CDH13: variants seen among roughly 807,000 people sequenced by gnomAD.
CDH13 encodes cadherin 13.
Under a neutral mutation model 63.8 loss-of-function variants are expected in CDH13, and 24 were observed. The observed-to-expected ratio is 0.38, with a 90% confidence interval of 0.27 to 0.53. The LOEUF (loss-of-function observed/expected upper bound fraction) is 0.53. CDH13 is among the 20% of genes least tolerant of loss of function. CDH13 has a pLI of 0.85. For missense variants in CDH13, 1,049 were observed against 903.1 expected (o/e 1.16, Z -2.07); for synonymous variants, 503 against 355.3 (o/e 1.42, Z -4.67).
rs374289251 is a variant in CDH13, at chr16:82,721,982, C to G, written c.45+94845C>G. Among the ~76,000 whole-genome samples the G allele has an allele frequency of 2.6e-5, 4 of 152,220 alleles. No homozygotes were observed. The East Asian group carries it at 5.8e-4, about 22-fold the overall frequency. The stretch of plus-strand genomic sequence containing the variant: ...ACATGCTTGAGTTCTGTGTCCCTAC[C>G]CTCTCTCACTGACCCATAGTCGGAC... On this transcript the variant is annotated intron_variant, in intron 1 of 13. Transcript: ENST00000567109.
At position 83,666,824 on chromosome 16, in the gene CDH13, CACACACACACAT is replaced by C. The variant is rs1014217020; in HGVS notation, c.1102-3954_1102-3943del. Among the ~76,000 whole-genome samples, 12 of 85,494 alleles carry C rather than the reference CACACACACACAT, an allele frequency of 1.4e-4. No homozygotes were observed. In the East Asian group the frequency reaches 4.2e-3, roughly 30 times the overall value. 56.1% of individuals were successfully genotyped at this position (85,494 alleles called of 152,430 possible). A position where few individuals can be genotyped will look rare whatever the true frequency, so the allele number is the denominator to read the frequency against. On this transcript the variant is annotated intron_variant, in intron 8 of 13. Coordinates refer to ENST00000567109, the MANE Select transcript of CDH13 (RefSeq NM_001257.5). The stretch of plus-strand genomic sequence containing the variant: ...GATCAGATACCCACCTCCACACATA[CACACACACACAT>C]ACACACACACACACAGACTCCCCAA...
At position 83,661,779 on chromosome 16, in the gene CDH13, G is replaced by T. The variant is rs146672157; in HGVS notation, c.1102-9011G>T. On this transcript the variant is annotated intron_variant, in intron 8 of 13. Coordinates refer to ENST00000567109, the MANE Select transcript of CDH13 (RefSeq NM_001257.5). ...AAAAGCCATGGACTCAGCACCTTCTGTGTATCTGCAGCCAACACATGGAAA... is the reference window on the plus strand; with the variant it reads ...AAAAGCCATGGACTCAGCACCTTCTTTGTATCTGCAGCCAACACATGGAAA... Among the ~76,000 whole-genome samples, 110 of 152,330 alleles carry T rather than the reference G, an allele frequency of 7.2e-4. 1 individual carries two copies. Among genetic ancestry groups the T allele is most frequent in the Middle Eastern group, 3.4e-3 (1 of 294 alleles).
intron 2 of CDH13, among the ~76,000 whole-genome samples, chr16:82,931,513 CT>C (rs11442675): frequency 0.018 from 2,654 of 144,246 alleles, 40 homozygotes; most frequent in East Asian, 0.035. Context: ...AGGTCCCCCC[CT>C]TTTTTTTTTT....
Position 83,379,004 on chromosome 16 carries a change from TATACACACAC to T in CDH13, c.781+34000_781+34009del, listed in dbSNP as rs893782556. On this transcript the variant is annotated intron_variant, in intron 6 of 13. Coordinates refer to ENST00000567109, the MANE Select transcript of CDH13 (RefSeq NM_001257.5). ...ATACACATGCATCTATATATATATA[TATACACACAC>T]ACACACACACACGTGTGTGTATAAC... Among the ~76,000 whole-genome samples, 64 of 137,420 alleles carry T rather than the reference TATACACACAC, an allele frequency of 4.7e-4. 2 individuals are homozygous for T. The highest frequency in any genetic ancestry group is 1.6e-3 in the African/African-American group (63 of 39,428). The allele number at this position is 137,420 out of a possible 152,430, so 90.2% of individuals were successfully genotyped here. A position where few individuals can be genotyped will look rare whatever the true frequency, so the allele number is the denominator to read the frequency against.
chr16:82,949,728 G>A lies in CDH13; in HGVS notation c.158-82282G>A, dbSNP rs149321751. The stretch of plus-strand genomic sequence containing the variant: ...TTCTCAACACATTCTGTCTGGAAAA[G>A]AATGTTCTCTAGTTACCACCTCTTT... On this transcript the variant is annotated intron_variant, in intron 2 of 13. Transcript: ENST00000567109. Among the ~76,000 whole-genome samples the A allele has an allele frequency of 5.3e-3, 810 of 152,200 alleles. 8 individuals carry two copies. Among genetic ancestry groups the A allele is most frequent in the African/African-American group, 0.019 (780 of 41,530 alleles).
chr16:83,497,789 A>G (rs1249449600), intron 7 of CDH13, among the ~76,000 whole-genome samples: 4 of 152,336 alleles, frequency 2.6e-5, no homozygotes, highest in Non-Finnish European at 4.4e-5. Context: ...ATTGGCCACA[A>G]TGCTCAGATA....
intron 6 of CDH13, among the ~76,000 whole-genome samples, chr16:83,345,866 A>G (rs573184212): frequency 1.6e-4 from 24 of 152,328 alleles, no homozygotes; most frequent in South Asian, 8.3e-4. Flanking sequence ...CCAAATAGGT[A>G]AAATAGTGAT....
At chr16:83,214,138 C>G (rs1406263587) in intron 4 of CDH13, among the ~76,000 whole-genome samples, 1 of 152,094 alleles carries the variant, frequency 6.6e-6, no homozygotes, top group Non-Finnish European at 1.5e-5. Flanking sequence ...TCGCTCTTCA[C>G]AGTAAATACT....
At chr16:83,238,689 A>G (rs1424178) in intron 5 of CDH13, among the ~76,000 whole-genome samples, 150,890 of 152,340 alleles carry the variant, frequency 0.99, 74,749 homozygotes, top group Middle Eastern at 1. Flanking sequence ...TCAGGCACCT[A>G]AAGTCAAATC....
intron 5 of CDH13, among the ~76,000 whole-genome samples, chr16:83,219,716 T>C (rs1271605278): frequency 1.3e-5 from 2 of 152,226 alleles, no homozygotes; most frequent in African/African-American, 4.8e-5. Flanking sequence ...ATAGTCTATG[T>C]CATAGCATAT....
intron 4 of CDH13, among the ~76,000 whole-genome samples, chr16:83,217,010 A>G (rs1014782555): frequency 4.6e-5 from 7 of 152,008 alleles, no homozygotes; most frequent in Admixed American, 3.9e-4. Flanking sequence ...GCAGATAAAT[A>G]TTTTTTTGAA....
intron 5 of CDH13, among the ~76,000 whole-genome samples, chr16:83,257,061 A>G (rs944839230): frequency 5.9e-5 from 9 of 152,042 alleles, no homozygotes; most frequent in Non-Finnish European, 8.8e-5. Context: ...ATGATAAGTA[A>G]TGACTGATTT....
At chr16:83,299,971 T>G (rs982568910) in intron 5 of CDH13, among the ~76,000 whole-genome samples, 1 of 152,296 alleles carries the variant, frequency 6.6e-6, no homozygotes, top group East Asian at 1.9e-4. Flanking sequence ...CTCACTTGAT[T>G]GTTAACAGAA....
At position 83,015,699 on chromosome 16, in the gene CDH13, A is replaced by G. The variant is rs1487209569; in HGVS notation, c.158-16311A>G. The stretch of plus-strand genomic sequence containing the variant: ...TATGTATATATATATATATATATAT[A>G]TATATATATATATATATATATATAA... On this transcript the variant is annotated intron_variant, in intron 2 of 13. Transcript: ENST00000567109. Among the ~76,000 whole-genome samples the G allele has an allele frequency of 1.6e-4, 19 of 115,214 alleles. 1 individual carries two copies. Among genetic ancestry groups the G allele is most frequent in the South Asian group, 2.9e-4 (1 of 3,418 alleles). The allele number at this position is 115,214 out of a possible 152,430, so 75.6% of individuals were successfully genotyped here. A position where few individuals can be genotyped will look rare whatever the true frequency, so the allele number is the denominator to read the frequency against.
chr16:83,280,098 A>C (rs1246943082), intron 5 of CDH13, among the ~76,000 whole-genome samples: 1 of 152,206 alleles, frequency 6.6e-6, no homozygotes, highest in Non-Finnish European at 1.5e-5. Flanking sequence ...TTTTTAAAAT[A>C]AGACAACAAT....
intron 2 of CDH13, among the ~76,000 whole-genome samples, chr16:83,027,106 C>A (rs915828602): frequency 3.5e-5 from 5 of 141,008 alleles, no homozygotes; most frequent in Admixed American, 7.0e-5. Flanking sequence ...AGGGAGACCC[C>A]CCCCCCCCAC....
At chr16:83,226,790 C>T (rs1374693028) in intron 5 of CDH13, among the ~76,000 whole-genome samples, 2 of 152,208 alleles carry the variant, frequency 1.3e-5, no homozygotes, top group African/African-American at 2.4e-5. Flanking sequence ...TTGAGATTCC[C>T]TGGCTATGAC....
chr16:83,698,734 C>T (rs1356389500), intron 10 of CDH13, among the ~76,000 whole-genome samples: 1 of 152,220 alleles, frequency 6.6e-6, no homozygotes, highest in Admixed American at 6.5e-5. Flanking sequence ...CAGCGTCTTG[C>T]CCTGTATTGT....
intron 6 of CDH13, among the ~76,000 whole-genome samples, chr16:83,468,716 T>C (rs2073381749): frequency 6.6e-6 from 1 of 152,232 alleles, no homozygotes; most frequent in African/African-American, 2.4e-5. Flanking sequence ...TTCTTTGTTC[T>C]TGATGAAGTT....
Sources: allele counts gnomAD v4.1 joint callset (sites outside exome capture counted in the v4.1 genomes callset), GRCh38; gene constraint gnomAD v4.1.1; transcripts MANE v1.5; gene names NCBI Gene and HGNC (gene_info 2026-07-23, HGNC 2026-07-21).